NRXN3: variants seen among roughly 807,000 people sequenced by gnomAD.
The protein encoded by NRXN3 is neurexin 3.
NRXN3 carries 32 observed loss-of-function variants against 137.6 expected under a neutral mutation model. That is an observed-to-expected ratio of 0.23 (90% CI 0.18 to 0.31). The LOEUF (loss-of-function observed/expected upper bound fraction) is 0.31. Ranked by LOEUF, NRXN3 falls within the 10% of genes least tolerant of loss-of-function variation. The pLI is 1.00. For missense variants in NRXN3, 1,574 were observed against 2,062.5 expected (o/e 0.76, Z 4.59); for synonymous variants, 798 against 784.5 (o/e 1.02, Z -0.29).
At chr14:79,501,189 C>T (rs894132914) in intron 16 of NRXN3, among the ~76,000 whole-genome samples, 5 of 151,994 alleles carry the variant, frequency 3.3e-5, no homozygotes, top group African/African-American at 9.7e-5. Flanking sequence ...TATGTCTGTC[C>T]GATGCTTTCC....
At chr14:79,132,274 C>T (rs552534590) in intron 15 of NRXN3, among the ~76,000 whole-genome samples, 22 of 152,152 alleles carry the variant, frequency 1.4e-4, no homozygotes, top group Non-Finnish European at 2.2e-4. Flanking sequence ...TGAAACTACT[C>T]GGATATATGA....
At position 78,722,097 on chromosome 14, in the gene NRXN3, T is replaced by TA. The variant is rs1460794434; in HGVS notation, c.2044+6964dup. Among the ~76,000 whole-genome samples the TA allele has an allele frequency of 2.0e-5, 3 of 152,130 alleles. No individual in the cohort carries two copies. In the East Asian group the frequency reaches 5.8e-4, roughly 29 times the overall value. ...CTGATCACAGCTGGTCCTGTTACTC[T>TA]AAAAAAGAGTATCAGGATTGTAGAT... On this transcript the variant is annotated intron_variant, in intron 8 of 20. Coordinates refer to ENST00000335750, the MANE Select transcript of NRXN3 (RefSeq NM_001330195.2).
intron 19 of NRXN3, among the ~76,000 whole-genome samples, chr14:79,752,207 T>G (rs1191845303): frequency 7.1e-6 from 1 of 141,174 alleles, no homozygotes; most frequent in Non-Finnish European, 1.6e-5. Flanking sequence ...GGTCCTGGAC[T>G]CTTTTTGCTT....
At chr14:78,649,910 C>T (rs997393546) in intron 5 of NRXN3, among the ~76,000 whole-genome samples, 2 of 152,152 alleles carry the variant, frequency 1.3e-5, no homozygotes, top group African/African-American at 4.8e-5. Context: ...CTCTGCATGG[C>T]ATGTTCCTGT....
At chr14:78,513,971 T>C (rs949205075) in intron 4 of NRXN3, among the ~76,000 whole-genome samples, 1 of 152,276 alleles carries the variant, frequency 6.6e-6, no homozygotes, top group Non-Finnish European at 1.5e-5. Context: ...GTCAGTTCTC[T>C]TTAATCTGTG....
rs146327361 is a variant in NRXN3 at position 79,790,875 on chromosome 14, TC to T, written c.4015-14234del. Among the ~76,000 whole-genome samples, 331 of 152,086 alleles carry T rather than the reference TC, an allele frequency of 2.2e-3. 10 individuals are homozygous for T. In the East Asian group the frequency reaches 0.043, roughly 20 times the overall value. ...ACCTCATGATCCACCCGCCTTGGCCTCCCGATCTTGTGATCCACCCGCCTTG... is the reference window on the plus strand; with the variant it reads ...ACCTCATGATCCACCCGCCTTGGCCTCCGATCTTGTGATCCACCCGCCTTG... On this transcript the variant is annotated intron_variant, in intron 19 of 20. Transcript: ENST00000335750.
At chr14:79,004,013 A>T (rs1345052207) in intron 15 of NRXN3, among the ~76,000 whole-genome samples, 1 of 152,208 alleles carries the variant, frequency 6.6e-6, no homozygotes. Context: ...AGCTATCTTA[A>T]AAACTGGCAC....
At chr14:78,171,432 A>C (rs1174146556) in intron 1 of NRXN3, among the ~76,000 whole-genome samples, 1 of 151,804 alleles carries the variant, frequency 6.6e-6, no homozygotes, top group Non-Finnish European at 1.5e-5. Flanking sequence ...TGTTTATATT[A>C]ATGATTTAGT....
At chr14:78,464,219 A>T (rs1022531971) in intron 4 of NRXN3, among the ~76,000 whole-genome samples, 4 of 151,446 alleles carry the variant, frequency 2.6e-5, no homozygotes, top group East Asian at 3.9e-4. Context: ...TGTCCAGCTA[A>T]TTTTTTTTGT....
intron 15 of NRXN3, among the ~76,000 whole-genome samples, chr14:79,091,717 C>T (rs1016498188): frequency 1.3e-5 from 2 of 152,006 alleles, no homozygotes; most frequent in Admixed American, 1.3e-4. Flanking sequence ...TAGTTAGTAC[C>T]CCAGGAGACC....
chr14:78,753,976 T>C (rs1595529855), intron 8 of NRXN3: 1 of 152,188 alleles, frequency 6.6e-6, no homozygotes, highest in African/African-American at 2.4e-5. Context: ...AGGAGTTTAT[T>C]TGAGCATTCA....
At chr14:78,862,625 G>C (rs1567545016) in intron 10 of NRXN3, among the ~76,000 whole-genome samples, 1 of 152,062 alleles carries the variant, frequency 6.6e-6, no homozygotes, top group Non-Finnish European at 1.5e-5. Flanking sequence ...TACCCGTTTA[G>C]TATTTTATCT....
chr14:79,296,721 T>C (rs983931371), intron 15 of NRXN3, among the ~76,000 whole-genome samples: 2 of 152,226 alleles, frequency 1.3e-5, no homozygotes, highest in Non-Finnish European at 2.9e-5. Flanking sequence ...GGCTGAGAAG[T>C]TGATGCTTAA....
chr14:79,818,345 G>T (rs1025899008), intron 20 of NRXN3, among the ~76,000 whole-genome samples: 3 of 152,066 alleles, frequency 2.0e-5, no homozygotes, highest in Admixed American at 1.3e-4. Flanking sequence ...GAGCCACCGC[G>T]CCCGGCCGCA....
chr14:78,236,603 G>T (rs1596253071), intron 1 of NRXN3, among the ~76,000 whole-genome samples: 1 of 152,278 alleles, frequency 6.6e-6, no homozygotes, highest in African/African-American at 2.4e-5. Context: ...GGGTAATTGT[G>T]GAGTCCTGGG....
chr14:79,093,564 G>A (rs975911041), intron 15 of NRXN3, among the ~76,000 whole-genome samples: 1 of 152,216 alleles, frequency 6.6e-6, no homozygotes, highest in African/African-American at 2.4e-5. Context: ...GACCAAAGAA[G>A]TGTGCATGTT....
At chr14:79,402,684 G>A (rs1166295130) in intron 15 of NRXN3, among the ~76,000 whole-genome samples, 5 of 152,098 alleles carry the variant, frequency 3.3e-5, no homozygotes, top group Admixed American at 3.3e-4. Flanking sequence ...CACCATTGAA[G>A]AATTAGATCT....
intron 15 of NRXN3, among the ~76,000 whole-genome samples, chr14:79,437,934 T>G (rs1279513239): frequency 6.6e-6 from 1 of 152,266 alleles, no homozygotes; most frequent in Non-Finnish European, 1.5e-5. Context: ...TTTATCCATC[T>G]GTATCAGATA....
chr14:79,590,787 C>T (rs1309101420), intron 16 of NRXN3, among the ~76,000 whole-genome samples: 1 of 152,186 alleles, frequency 6.6e-6, no homozygotes, highest in African/African-American at 2.4e-5. Flanking sequence ...TTGATGGACT[C>T]TTTCTCAACT....
Sources: allele counts gnomAD v4.1 joint callset (sites outside exome capture counted in the v4.1 genomes callset), GRCh38; gene constraint gnomAD v4.1.1; transcripts MANE v1.5; gene names NCBI Gene and HGNC (gene_info 2026-07-23, HGNC 2026-07-21).